VRK2: variants seen among roughly 807,000 people sequenced by gnomAD.
VRK2 encodes the protein VRK serine/threonine kinase 2, also known as serine/threonine-protein kinase VRK2.
VRK2 carries 60 observed loss-of-function variants against 57.6 expected under a neutral mutation model. That is an observed-to-expected ratio of 1.04 (90% CI 0.85 to 1.29). The LOEUF (loss-of-function observed/expected upper bound fraction) is 1.29. Among genes scored for constraint, VRK2 ranks in the 50% most tolerant of loss-of-function variants. The pLI is 0.00. For synonymous variants in VRK2, 231 were observed against 199.2 expected (o/e 1.16, Z -1.35); for missense variants, 705 against 588.1 (o/e 1.20, Z -2.06).
chr2:58,156,112 GCTTA>G lies in VRK2; in HGVS notation c.1183-3234_1183-3231del, dbSNP rs964190963. ...TTTAATTACCAGAATAAGGTGGGAT[GCTTA>G]CTCTTTCTTGTCTATAACTGGATGC... On this transcript the variant is annotated intron_variant, in intron 12 of 12. Coordinates refer to ENST00000340157, the MANE Select transcript of VRK2 (RefSeq NM_006296.7). 2.1e-4 allele frequency among the ~76,000 whole-genome samples: 32 copies of G among 152,034 alleles called. No homozygotes were observed. The Middle Eastern group carries it at 0.014, about 65-fold the overall frequency.
At position 58,121,177 on chromosome 2, in the gene VRK2, G is replaced by A. The variant is rs149890479; in HGVS notation, c.544-1924G>A. On this transcript the variant is annotated intron_variant, in intron 7 of 12. Transcript: ENST00000340157. ...AGATAAGGGGACTTACAGCATCAGC[G>A]GATGTAAGGCACTTAGCATACTGCT... Among the ~76,000 whole-genome samples, 182 of 152,222 alleles carry A rather than the reference G, an allele frequency of 1.2e-3. 1 individual carries two copies. Among genetic ancestry groups the A allele is most frequent in the African/African-American group, 4.0e-3 (167 of 41,532 alleles).
chr2:57,912,803 A>G (rs1317656240), intron 1 of VRK2, among the ~76,000 whole-genome samples: 3 of 152,186 alleles, frequency 2.0e-5, no homozygotes, highest in African/African-American at 7.2e-5. Flanking sequence ...GCTGTTATGG[A>G]CTAAATATTT....
chr2:58,089,956 A>C (rs547938272), intron 7 of VRK2, among the ~76,000 whole-genome samples: 1 of 152,316 alleles, frequency 6.6e-6, no homozygotes, highest in South Asian at 2.1e-4. Context: ...CACAGTTAAG[A>C]AGTGGCTGAG....
At chr2:58,059,554 G>A (rs1211770812) in intron 2 of VRK2, among the ~76,000 whole-genome samples, 1 of 151,718 alleles carries the variant, frequency 6.6e-6, no homozygotes, top group Non-Finnish European at 1.5e-5. Flanking sequence ...AAGATAAATA[G>A]GATCGTGTTA....
intron 7 of VRK2, among the ~76,000 whole-genome samples, chr2:58,103,534 A>G (rs1249470302): frequency 6.6e-6 from 1 of 151,776 alleles, no homozygotes; most frequent in Non-Finnish European, 1.5e-5. Context: ...ACCTCTCAAG[A>G]TTGAACCAGG....
At chr2:58,031,356 C>G (rs1674104547) in intron 2 of VRK2, among the ~76,000 whole-genome samples, 1 of 151,886 alleles carries the variant, frequency 6.6e-6, no homozygotes. Flanking sequence ...TCCCGTGTCC[C>G]CTATCCCCTC....
intron 12 of VRK2, chr2:58,154,944 C>G (rs975735534): frequency 4.1e-6 from 2 of 491,608 alleles, no homozygotes; most frequent in Admixed American, 3.6e-5. Flanking sequence ...GTGTTAATTC[C>G]CAAGTATCTG....
chr2:58,013,599 C>T (rs1185655000), intron 1 of VRK2, among the ~76,000 whole-genome samples: 1 of 152,096 alleles, frequency 6.6e-6, no homozygotes, highest in African/African-American at 2.4e-5. Context: ...GGGCCGGGCG[C>T]GGTGGCTCAC....
At chr2:57,962,191 GTTAA>G (rs1432807694) in intron 1 of VRK2, among the ~76,000 whole-genome samples, 2 of 152,146 alleles carry the variant, frequency 1.3e-5, no homozygotes, top group African/African-American at 4.8e-5. Context: ...GACTTCAGAG[GTTAA>G]TTAGTCAACC....
chr2:58,011,842 T>C (rs1673427600), intron 1 of VRK2, among the ~76,000 whole-genome samples: 1 of 152,170 alleles, frequency 6.6e-6, no homozygotes, highest in Non-Finnish European at 1.5e-5. Flanking sequence ...AAAAACAGTA[T>C]CTGGGTCTGC....
chr2:58,110,405 A>G (rs1675384748), intron 7 of VRK2, among the ~76,000 whole-genome samples: 1 of 152,242 alleles, frequency 6.6e-6, no homozygotes, highest in Non-Finnish European at 1.5e-5. Flanking sequence ...ATTTACGAAA[A>G]TAACTATATG....
chr2:58,056,435 C>T (rs1331573324), intron 2 of VRK2, among the ~76,000 whole-genome samples: 1 of 152,114 alleles, frequency 6.6e-6, no homozygotes, highest in Admixed American at 6.6e-5. Context: ...CACAATTCAT[C>T]CAGAAGCACT....
At chr2:58,093,859 A>G (rs1672735233) in intron 7 of VRK2, among the ~76,000 whole-genome samples, 1 of 152,166 alleles carries the variant, frequency 6.6e-6, no homozygotes. Flanking sequence ...TAAGGAAGGG[A>G]TCCAGTTTCA....
intron 1 of VRK2, among the ~76,000 whole-genome samples, chr2:57,953,766 GA>G (rs1275752235): frequency 2.0e-5 from 3 of 148,722 alleles, no homozygotes; most frequent in Admixed American, 6.7e-5. Context: ...TGAAGAGAGG[GA>G]AAAAAAAAGT....
At chr2:57,929,110 A>C (rs545974681) in intron 1 of VRK2, among the ~76,000 whole-genome samples, 1 of 152,308 alleles carries the variant, frequency 6.6e-6, no homozygotes, top group African/African-American at 2.4e-5. Flanking sequence ...GCAGGTAGCA[A>C]AGCCAGCCAA....
chr2:58,075,820 G>T (rs1670023278), intron 2 of VRK2, among the ~76,000 whole-genome samples: 1 of 132,580 alleles, frequency 7.5e-6, no homozygotes, highest in African/African-American at 2.7e-5. Context: ...GGAAACAGGA[G>T]ATTTTTCTGA....
At chr2:58,019,684 T>C (rs1298622388) in intron 1 of VRK2, among the ~76,000 whole-genome samples, 1 of 152,224 alleles carries the variant, frequency 6.6e-6, no homozygotes, top group Non-Finnish European at 1.5e-5. Flanking sequence ...TGTGATATTA[T>C]TCACCAAGCT....
At chr2:57,981,709 T>C (rs1235371809) in intron 1 of VRK2, among the ~76,000 whole-genome samples, 3 of 152,242 alleles carry the variant, frequency 2.0e-5, no homozygotes, top group African/African-American at 7.2e-5. Context: ...CATAATCCCA[T>C]ATTTCTTGGA....
At chr2:58,122,558 C>T (rs958799306) in intron 7 of VRK2, among the ~76,000 whole-genome samples, 47 of 152,176 alleles carry the variant, frequency 3.1e-4, no homozygotes, top group Non-Finnish European at 4.0e-4. Context: ...ATCGTCTTCA[C>T]GTTGAGTACG....
Sources: gnomAD v4.1 joint callset for allele counts (sites outside exome capture counted in the v4.1 genomes callset) on GRCh38, gnomAD v4.1.1 for gene constraint, MANE v1.5 for transcripts, NCBI Gene and HGNC (gene_info 2026-07-23, HGNC 2026-07-21) for gene names.